The following DOP1A variants were observed in gnomAD, a reference collection of about 807,000 sequenced individuals.
DOP1A encodes the protein protein DOP1A.
DOP1A carries 90 observed loss-of-function variants against 267.6 expected under a neutral mutation model. The observed-to-expected ratio is 0.34, with a 90% CI of 0.28 to 0.40. The LOEUF is 0.40. Ranked by LOEUF, DOP1A falls within the 10% of genes least tolerant of loss-of-function variation. The pLI, the probability that DOP1A is intolerant of heterozygous loss-of-function variation, is 1.00. For synonymous variants in DOP1A, 932 were observed against 999.1 expected, an observed-to-expected ratio of 0.93 and a Z score of 1.27; for missense variants, 2,437 against 2,900.4, an observed-to-expected ratio of 0.84 and a Z score of 3.67.
Position 83,148,779 on chromosome 6 carries a change from T to C in DOP1A, c.5753T>C (p.Val1918Ala), listed in dbSNP as rs752986473. ...YIQRIPVPNL[V>A]DSWASLLILL... ...TGCAGAATTCCAGTGCCCAATTTAG[T>C]GGATAGCTGGGCGTCACTGTTGATA... The change falls in exon 27 of 39, where the codon GTG becomes GCG. Residue 1918 changes from valine (V) to alanine (A), a missense_variant. By Grantham distance (64) the Val-to-Ala change is moderately conservative (BLOSUM62 0). This residue lies in a region of DOP1A where 216 missense variants were observed against 283.3 expected (regional missense o/e 0.76). Transcript: ENST00000349129. The C allele has an allele frequency of 1.9e-6, 3 of 1,555,382 alleles. No individual in the cohort carries two copies. The highest frequency in any genetic ancestry group is 1.3e-5 in the South Asian group (1 of 78,702).
In DOP1A at chr6:83,147,219, A is replaced by T. The variant is rs1554247470; in HGVS notation, c.5677-17A>T. On this transcript the variant is annotated splice_polypyrimidine_tract_variant and intron_variant, in intron 25 of 38. Coordinates refer to ENST00000349129, the MANE Select transcript of DOP1A (RefSeq NM_015018.4). ...AGTATTCTTCTTCACTACAAAATTGATTTCTTTTATTTATAGAAACATCTT... is the reference window on the plus strand; with the variant it reads ...AGTATTCTTCTTCACTACAAAATTGTTTTCTTTTATTTATAGAAACATCTT... The T allele has an allele frequency of 1.2e-5, 16 of 1,379,974 alleles. No homozygotes were observed. Among genetic ancestry groups the T allele is most frequent in the Non-Finnish European group, 1.5e-5 (15 of 996,610 alleles). 85.5% of individuals were successfully genotyped at this position (1,379,974 alleles called of 1,614,324 possible).
intron 4 of DOP1A, among the ~76,000 whole-genome samples, chr6:83,105,614 C>T (rs575737723): frequency 3.9e-5 from 6 of 152,098 alleles, no homozygotes; most frequent in East Asian, 3.9e-4. Context: ...CCGCCTGCCT[C>T]GGCCTCCCAA....
chr6:83,166,917 G>A, intron 38 of DOP1A: 1 of 988,124 alleles, frequency 1.0e-6, no homozygotes, highest in Non-Finnish European at 1.2e-6. Flanking sequence ...TCTTCCTTCT[G>A]TCTAGTTCAT....
intron 1 of DOP1A, among the ~76,000 whole-genome samples, chr6:83,079,445 TATTC>T (rs1486998977): frequency 2.6e-5 from 4 of 152,212 alleles, no homozygotes; most frequent in Non-Finnish European, 2.9e-5. Context: ...TGTTTACAGA[TATTC>T]AGTTAAATTG....
chr6:83,068,488 C>G (rs1168600138), intron 1 of DOP1A, among the ~76,000 whole-genome samples: 2 of 152,164 alleles, frequency 1.3e-5, no homozygotes, highest in African/African-American at 4.8e-5. Context: ...AACATTTTTA[C>G]ACTATCTTAG....
chr6:83,123,980 C>T (rs1158338799), intron 12 of DOP1A, among the ~76,000 whole-genome samples: 1 of 152,044 alleles, frequency 6.6e-6, no homozygotes, highest in East Asian at 1.9e-4. Context: ...CTGAAATACT[C>T]TTTCCCCTTG....
intron 14 of DOP1A, 132 bp downstream of exon 14, chr6:83,125,327 G>T: frequency 8.8e-7 from 1 of 1,135,384 alleles, no homozygotes; most frequent in Non-Finnish European, 1.2e-6. Flanking sequence ...TTGAGAATTT[G>T]GGAATAGAAA....
chr6:83,152,065 C>T (rs1781779543), intron 29 of DOP1A, 38 bp downstream of exon 29: 2 of 1,609,524 alleles, frequency 1.2e-6, no homozygotes, highest in East Asian at 4.5e-5. Context: ...TATCTGTAAG[C>T]AGGCATATAT....
chr6:83,126,034 A>G (rs1020518625), intron 15 of DOP1A, among the ~76,000 whole-genome samples: 2 of 151,846 alleles, frequency 1.3e-5, no homozygotes, highest in Non-Finnish European at 2.9e-5. Flanking sequence ...ATTGTAGCCA[A>G]TATATTATTT....
At chr6:83,072,200 G>A (rs141907983) in intron 1 of DOP1A, among the ~76,000 whole-genome samples, 1 of 151,994 alleles carries the variant, frequency 6.6e-6, no homozygotes, top group East Asian at 1.9e-4. Flanking sequence ...AAAGTTGCTG[G>A]AGTTACTTAT....
chr6:83,070,664 A>G (rs1386787942), intron 1 of DOP1A, among the ~76,000 whole-genome samples: 1 of 152,132 alleles, frequency 6.6e-6, no homozygotes, highest in Non-Finnish European at 1.5e-5. Flanking sequence ...CCACCCTGTG[A>G]ACCTTTTTTT....
At chr6:83,112,365 A>AATAT (rs141547024) in intron 6 of DOP1A, among the ~76,000 whole-genome samples, 77 of 149,046 alleles carry the variant, frequency 5.2e-4, no homozygotes, top group African/African-American at 1.0e-3. Context: ...CAAAAATACA[A>AATAT]ATATATATAT....
At position 83,119,768 on chromosome 6, in the gene DOP1A, A is replaced by G. The variant is rs1235026465; in HGVS notation, c.901A>G (p.Ile301Val). 1.1e-5 allele frequency: 17 copies of G among 1,612,812 alleles called. No individual in the cohort carries two copies. Among genetic ancestry groups the G allele is most frequent in the Non-Finnish European group, 1.4e-5 (16 of 1,179,072 alleles). ...WLLGFDNNGA[I>V]IGPRSTRHSN... ...TGGAGGTTTTGATAACAACGGTGCTATCATAGGACCCAGAAGCACAAGACA... is the reference window on the plus strand; with the variant it reads ...TGGAGGTTTTGATAACAACGGTGCTGTCATAGGACCCAGAAGCACAAGACA... The change falls in exon 9 of 39, where the codon ATC (isoleucine) becomes GTC (valine). Residue 301 changes from isoleucine to valine, a missense_variant. Ile to Val is a conservative substitution (Grantham distance 29). Around this residue, in one of 9 missense-constraint regions of DOP1A, gnomAD observed 251 missense variants for 359.1 expected, o/e 0.70. Coordinates refer to ENST00000349129, the MANE Select transcript of DOP1A (RefSeq NM_015018.4).
intron 7 of DOP1A, among the ~76,000 whole-genome samples, chr6:83,114,162 C>G (rs894887148): frequency 6.6e-6 from 1 of 151,828 alleles, no homozygotes; most frequent in African/African-American, 2.4e-5. Flanking sequence ...TGCATTATGA[C>G]TGGCCAATTT....
chr6:83,148,413 C>CA (rs958933685), intron 26 of DOP1A, among the ~76,000 whole-genome samples: 30 of 148,900 alleles, frequency 2.0e-4, no homozygotes, highest in Middle Eastern at 3.4e-3. Context: ...GACTCCATCT[C>CA]AAAAAAAAAG....
chr6:83,153,421 T>C (rs1020132467), intron 30 of DOP1A, 90 bp from the exon 31 acceptor site: 1 of 748,132 alleles, frequency 1.3e-6, no homozygotes, highest in Non-Finnish European at 2.1e-6. Context: ...TTTTAAGTAG[T>C]CTAGGTTTTC....
Position 83,081,144 on chromosome 6 carries a change from C to CA in DOP1A, c.-147+13366dup, listed in dbSNP as rs559587235. 1.2e-3 allele frequency among the ~76,000 whole-genome samples: 186 copies of CA among 152,130 alleles called. 1 individual carries two copies. The highest frequency in any genetic ancestry group is 1.3e-3 in the Non-Finnish European group (90 of 68,008). On this transcript the variant is annotated intron_variant, in intron 1 of 38. Coordinates refer to ENST00000349129, the MANE Select transcript of DOP1A (RefSeq NM_015018.4). ...TGGTTTGTTCGTTTGTTTTTTGAGA[C>CA]AGAGTCTCACTCTGTTGCCCGGGCT...
At chr6:83,104,687 AAT>A (rs1331479356) in intron 4 of DOP1A, among the ~76,000 whole-genome samples, 12 of 152,056 alleles carry the variant, frequency 7.9e-5, no homozygotes, top group Non-Finnish European at 1.3e-4. Context: ...TGTCAGTTTT[AAT>A]AAGTTTTTTC....
At chr6:83,130,952 T>C (rs1777924078) in intron 17 of DOP1A, among the ~76,000 whole-genome samples, 1 of 152,044 alleles carries the variant, frequency 6.6e-6, no homozygotes, top group Non-Finnish European at 1.5e-5. Flanking sequence ...TTGGCCAGGC[T>C]GGTCTCAAAC....
Sources: allele counts gnomAD v4.1 joint callset (sites outside exome capture counted in the v4.1 genomes callset), GRCh38; gene constraint gnomAD v4.1.1; regional missense constraint gnomAD v4.1.1; transcripts MANE v1.5; gene names NCBI Gene and HGNC (gene_info 2026-07-23, HGNC 2026-07-21).